Variants in PCDH15 observed in about 807,000 individuals in gnomAD.
PCDH15 encodes the protein protocadherin related 15.
In PCDH15, 129 loss-of-function variants were observed where a neutral mutation model predicts 178.5. That is an observed-to-expected ratio of 0.72 (90% CI 0.63 to 0.84). The LOEUF (loss-of-function observed/expected upper bound fraction) is 0.84, where lower values mean the gene tolerates loss of function less well. PCDH15 is among the 40% of genes least tolerant of loss of function. The pLI, the probability that PCDH15 is intolerant of heterozygous loss-of-function variation, is 0.00. For missense variants in PCDH15, 2,230 were observed against 2,099.9 expected, an observed-to-expected ratio of 1.06 and a Z score of -1.21; for synonymous variants, 800 against 732.0, an observed-to-expected ratio of 1.09 and a Z score of -1.50.
chr10:54,082,827 A>C (rs2094455704), intron 16 of PCDH15, among the ~76,000 whole-genome samples: 1 of 152,102 alleles, frequency 6.6e-6, no homozygotes. Context: ...AACGCATATA[A>C]CTGGAGAAAA....
intron 16 of PCDH15, among the ~76,000 whole-genome samples, chr10:54,082,207 C>T (rs2094446038): frequency 6.6e-6 from 1 of 152,112 alleles, no homozygotes; most frequent in Non-Finnish European, 1.5e-5. Flanking sequence ...ATTCATGGCA[C>T]TTATCTTTGT....
chr10:54,882,061 A>G (rs1479545745), intron 3 of PCDH15, among the ~76,000 whole-genome samples: 1 of 152,110 alleles, frequency 6.6e-6, no homozygotes, highest in South Asian at 2.1e-4. Flanking sequence ...TGTTCATTTG[A>G]TGAATGCCTA....
intron 2 of PCDH15, among the ~76,000 whole-genome samples, chr10:55,345,210 T>C (rs1283838984): frequency 6.6e-6 from 1 of 152,028 alleles, no homozygotes; most frequent in African/African-American, 2.4e-5. Flanking sequence ...TATTTTTGAT[T>C]AAAAAAGTTG....
At chr10:55,067,866 C>A (rs1841607105) in intron 2 of PCDH15, among the ~76,000 whole-genome samples, 1 of 152,016 alleles carries the variant, frequency 6.6e-6, no homozygotes, top group East Asian at 1.9e-4. Context: ...TTTTCATAAG[C>A]CTGTTGGCCA....
At chr10:54,483,532 A>AGATTC (rs2078874096) in intron 3 of PCDH15, among the ~76,000 whole-genome samples, 1 of 151,750 alleles carries the variant, frequency 6.6e-6, no homozygotes, top group African/African-American at 2.4e-5. Context: ...TATTAAATTG[A>AGATTC]GATTCTCAGT....
At chr10:55,622,132 A>G (rs1319887301) in intron 2 of PCDH15, among the ~76,000 whole-genome samples, 1 of 135,276 alleles carries the variant, frequency 7.4e-6, no homozygotes, top group Non-Finnish European at 1.5e-5. Context: ...TATATATATT[A>G]TATATATTAT....
chr10:55,322,593 T>C (rs963289022), upstream of PCDH15, among the ~76,000 whole-genome samples: 2 of 152,012 alleles, frequency 1.3e-5, no homozygotes, highest in Non-Finnish European at 2.9e-5. Flanking sequence ...TGGCCTTAGA[T>C]GGAGATGAGG....
At chr10:53,879,381 T>A (rs1196705038) in intron 26 of PCDH15, among the ~76,000 whole-genome samples, 2 of 152,184 alleles carry the variant, frequency 1.3e-5, no homozygotes, top group Admixed American at 6.5e-5. Context: ...GATACAGATA[T>A]AATAAGATGC....
chr10:53,992,961 T>G (rs539617200), intron 21 of PCDH15, among the ~76,000 whole-genome samples: 2 of 152,352 alleles, frequency 1.3e-5, no homozygotes, highest in East Asian at 3.9e-4. Flanking sequence ...TTCAGAGTTT[T>G]TCCAGTTTCT....
chr10:54,553,768 A>G (rs1202413013), intron 2 of PCDH15, among the ~76,000 whole-genome samples: 2 of 152,146 alleles, frequency 1.3e-5, no homozygotes, highest in Non-Finnish European at 2.9e-5. Context: ...CCATTAAAAA[A>G]GTTTATGTTA....
intron 35 of PCDH15, among the ~76,000 whole-genome samples, chr10:53,811,821 C>G (rs2075874708): frequency 6.6e-6 from 1 of 152,020 alleles, no homozygotes; most frequent in South Asian, 2.1e-4. Flanking sequence ...CTGGCTGTAA[C>G]CATTTGATAC....
chr10:55,288,035 T>A (rs1842915142), intron 1 of PCDH15, among the ~76,000 whole-genome samples: 1 of 150,788 alleles, frequency 6.6e-6, no homozygotes, highest in Admixed American at 6.7e-5. Flanking sequence ...TAAATATGTG[T>A]TGAGTACTGA....
intron 2 of PCDH15, among the ~76,000 whole-genome samples, chr10:54,614,736 C>T (rs2093074827): frequency 6.6e-6 from 1 of 151,836 alleles, no homozygotes; most frequent in Non-Finnish European, 1.5e-5. Context: ...AAATTCCCAC[C>T]AAGAGTCAAA....
At chr10:54,625,379 T>C (rs1040431463) in intron 2 of PCDH15, among the ~76,000 whole-genome samples, 5 of 152,138 alleles carry the variant, frequency 3.3e-5, no homozygotes, top group Admixed American at 6.5e-5. Flanking sequence ...TAGCCAATGA[T>C]ATGGTTTGGT....
At chr10:54,228,261 G>A (rs2053668834) in intron 9 of PCDH15, among the ~76,000 whole-genome samples, 1 of 152,124 alleles carries the variant, frequency 6.6e-6, no homozygotes, top group African/African-American at 2.4e-5. Context: ...TACAATCATG[G>A]TGGAAGGCAA....
intron 3 of PCDH15, among the ~76,000 whole-genome samples, chr10:54,519,285 G>A (rs1031975402): frequency 3.9e-5 from 6 of 152,272 alleles, no homozygotes; most frequent in African/African-American, 1.4e-4. Flanking sequence ...CCTGTTTGCA[G>A]ATGACATGAT....
At chr10:54,358,709 C>T (rs1457416112) in intron 5 of PCDH15, among the ~76,000 whole-genome samples, 3 of 152,112 alleles carry the variant, frequency 2.0e-5, no homozygotes, top group African/African-American at 7.2e-5. Context: ...GACACATGCA[C>T]ATGTATGTTT....
intron 2 of PCDH15, among the ~76,000 whole-genome samples, chr10:54,581,192 C>CATATAGT (rs2133791197): frequency 6.6e-6 from 1 of 152,122 alleles, no homozygotes; most frequent in Admixed American, 6.6e-5. Context: ...ACTAAGGAAA[C>CATATAGT]CTCAAAGACT....
At chr10:54,670,940 G>A (rs2050546) in intron 1 of PCDH15, among the ~76,000 whole-genome samples, 131,760 of 152,078 alleles carry the variant, frequency 0.87, 57,747 homozygotes, top group Middle Eastern at 0.93. Flanking sequence ...AGATAAATAA[G>A]TTTTAATTGC....
Sources: allele counts gnomAD v4.1 joint callset (sites outside exome capture counted in the v4.1 genomes callset), GRCh38; gene constraint gnomAD v4.1.1; transcripts MANE v1.5; gene names NCBI Gene and HGNC (gene_info 2026-07-23, HGNC 2026-07-21).